The following ULK4 variants were observed in gnomAD, a reference collection of about 807,000 sequenced individuals.
ULK4 encodes inactive serine/threonine-protein kinase ULK4.
In ULK4, 133 loss-of-function variants were observed where a neutral mutation model predicts 160.6. The observed-to-expected ratio is 0.83, with a 90% CI of 0.72 to 0.96. The LOEUF (loss-of-function observed/expected upper bound fraction) is 0.96, where lower values mean the gene tolerates loss of function less well. Among genes scored for constraint, ULK4 ranks in the 40% least tolerant of loss-of-function variants. ULK4 has a pLI of 0.00. For missense variants in ULK4, 1,580 were observed against 1,499.5 expected, an observed-to-expected ratio of 1.05 and a Z score of -0.89; for synonymous variants, 534 against 539.8, an observed-to-expected ratio of 0.99 and a Z score of 0.15.
chr3:41,763,191 A>G (rs1336853550), intron 21 of ULK4, among the ~76,000 whole-genome samples: 6 of 152,212 alleles, frequency 3.9e-5, no homozygotes, highest in Non-Finnish European at 5.9e-5. Flanking sequence ...TATGCAACCC[A>G]TAATTATATA....
At chr3:41,841,197 GCCGCCCCGC>G (rs2041913815) in intron 17 of ULK4, among the ~76,000 whole-genome samples, 11 of 148,674 alleles carry the variant, frequency 7.4e-5, no homozygotes, top group South Asian at 2.1e-4. Context: ...CCTCTGCCCG[GCCGCCCCGC>G]CTGGGAGGTG....
chr3:41,747,969 ACTTT>A (rs1208613306), intron 22 of ULK4, among the ~76,000 whole-genome samples: 4 of 152,152 alleles, frequency 2.6e-5, no homozygotes, highest in African/African-American at 9.7e-5. Context: ...TGAAATACAT[ACTTT>A]CTTTAAAAAG....
At chr3:41,713,121 C>G (rs763814745) in intron 25 of ULK4, among the ~76,000 whole-genome samples, 2 of 151,604 alleles carry the variant, frequency 1.3e-5, no homozygotes, top group Admixed American at 6.6e-5. Context: ...GTTTAGGAAG[C>G]CTTTGCCTAA....
At chr3:41,884,049 TAA>T in intron 16 of ULK4, 97 bp from the exon 17 acceptor site, 1 of 850,984 alleles carries the variant, frequency 1.2e-6, no homozygotes. Flanking sequence ...GCATTAGATA[TAA>T]GACTGAGAAA....
chr3:41,370,210 C>T (rs1422563209), intron 35 of ULK4, among the ~76,000 whole-genome samples: 1 of 151,702 alleles, frequency 6.6e-6, no homozygotes, highest in Admixed American at 6.6e-5. Context: ...AAAAAAAAAG[C>T]AAGTGGCATC....
intron 35 of ULK4, among the ~76,000 whole-genome samples, chr3:41,363,481 A>G (rs2081188942): frequency 6.6e-6 from 1 of 152,102 alleles, no homozygotes; most frequent in Non-Finnish European, 1.5e-5. Context: ...GGCTCCAATA[A>G]AGCTGACTTC....
At chr3:41,796,670 T>G (rs2040308749) in intron 20 of ULK4, among the ~76,000 whole-genome samples, 1 of 151,530 alleles carries the variant, frequency 6.6e-6, no homozygotes, top group African/African-American at 2.4e-5. Context: ...ATTCATGAGG[T>G]TTTTTCAAAA....
intron 11 of ULK4, 106 bp from the exon 12 acceptor site, chr3:41,908,047 G>GGA: frequency 4.9e-6 from 3 of 614,372 alleles, no homozygotes; most frequent in Non-Finnish European, 7.6e-6. Flanking sequence ...AGAGTATGAT[G>GGA]ATTCCATATA....
intron 34 of ULK4, among the ~76,000 whole-genome samples, chr3:41,418,327 T>C (rs975251021): frequency 4.4e-5 from 6 of 137,506 alleles, no homozygotes. Flanking sequence ...TGACATACTT[T>C]TTTTCTTAAT....
chr3:41,667,721 C>A (rs950357734), intron 29 of ULK4, among the ~76,000 whole-genome samples: 2 of 152,186 alleles, frequency 1.3e-5, no homozygotes, highest in Non-Finnish European at 2.9e-5. Context: ...CCTCACACTT[C>A]TTCCTCTAGG....
intron 35 of ULK4, among the ~76,000 whole-genome samples, chr3:41,395,655 C>A (rs1010228996): frequency 1.3e-5 from 2 of 152,074 alleles, no homozygotes; most frequent in African/African-American, 4.8e-5. Context: ...TTAATAGGCA[C>A]AGAGTTTCAG....
intron 32 of ULK4, among the ~76,000 whole-genome samples, chr3:41,560,498 T>C (rs1405590784): frequency 6.6e-6 from 1 of 152,234 alleles, no homozygotes. Flanking sequence ...TCCATGAACA[T>C]GGAATGTTTT....
chr3:41,961,550 A>ACCCCCCCTCCCCCCCCCCCC (rs1700669869), intron 1 of ULK4, among the ~76,000 whole-genome samples: 10 of 124,664 alleles, frequency 8.0e-5, no homozygotes, highest in African/African-American at 3.4e-4. Flanking sequence ...GTAGTCACTC[A>ACCCCCCCTCCCCCCCCCCCC]CCCCCCCCCC....
At chr3:41,703,210 A>G (rs2036743889) in intron 27 of ULK4, among the ~76,000 whole-genome samples, 1 of 145,960 alleles carries the variant, frequency 6.9e-6, no homozygotes, top group Non-Finnish European at 1.5e-5. Flanking sequence ...TATATTGAAC[A>G]CTGCACGGAA....
chr3:41,272,830 AT>A (rs2079162264), intron 35 of ULK4, among the ~76,000 whole-genome samples: 2 of 151,996 alleles, frequency 1.3e-5, no homozygotes, highest in African/African-American at 4.8e-5. Context: ...ACACTCAGTA[AT>A]TTTTCTTCTG....
rs1372164586 is a variant in ULK4 at position 41,295,699 on chromosome 3, A to T, written c.3679-46125T>A. ...GAAAAGATGCTCCACATCGTTTGAC[A>T]TCAAGAAATGTAAATTAAAACAATG... is the stretch of plus-strand genomic sequence containing the variant. On this transcript the variant is annotated intron_variant, in intron 35 of 36. Coordinates refer to ENST00000301831, the MANE Select transcript of ULK4 (RefSeq NM_017886.4). 2.6e-5 allele frequency among the ~76,000 whole-genome samples: 2 copies of T among 75,892 alleles called. 1 individual carries two copies. The highest frequency in any genetic ancestry group is 8.6e-5 in the African/African-American group (2 of 23,292). 49.8% of individuals were successfully genotyped at this position (75,892 alleles called of 152,430 possible).
intron 35 of ULK4, among the ~76,000 whole-genome samples, chr3:41,366,107 T>C (rs2081248088): frequency 6.6e-6 from 1 of 152,172 alleles, no homozygotes; most frequent in African/African-American, 2.4e-5. Flanking sequence ...GCTGGGGATG[T>C]CCTCAAAGCA....
intron 35 of ULK4, among the ~76,000 whole-genome samples, chr3:41,359,458 G>T (rs761307831): frequency 6.6e-6 from 1 of 152,234 alleles, no homozygotes; most frequent in Non-Finnish European, 1.5e-5. Context: ...TGAGCTGAAC[G>T]GTCAGTGTGT....
intron 35 of ULK4, among the ~76,000 whole-genome samples, chr3:41,316,900 G>C (rs1343967632): frequency 1.3e-5 from 2 of 152,036 alleles, no homozygotes; most frequent in African/African-American, 2.4e-5. Flanking sequence ...AAGTAAATGA[G>C]TTAACATCTT....
Sources: allele counts gnomAD v4.1 joint callset (sites outside exome capture counted in the v4.1 genomes callset), GRCh38; gene constraint gnomAD v4.1.1; transcripts MANE v1.5; gene names NCBI Gene and HGNC (gene_info 2026-07-23, HGNC 2026-07-21).